The following COTL1 variants were observed in gnomAD, a reference collection of about 807,000 sequenced individuals.
COTL1 encodes the protein coactosin-like protein.
COTL1 carries 15 observed loss-of-function variants against 16.5 expected under a neutral mutation model. The ratio of observed to expected loss-of-function variants is 0.91; its 90% CI spans 0.61 to 1.40. The LOEUF (loss-of-function observed/expected upper bound fraction) is 1.40, where lower values mean the gene tolerates loss of function less well. Among genes scored for constraint, COTL1 ranks in the 40% most tolerant of loss-of-function variants. The pLI, the probability that COTL1 is intolerant of heterozygous loss-of-function variation, is 0.00. For synonymous variants in COTL1, 112 were observed against 85.3 expected, an observed-to-expected ratio of 1.31 and a Z score of -1.73; for missense variants, 220 against 201.5, an observed-to-expected ratio of 1.09 and a Z score of -0.56.
chr16:84,591,302 G>A (rs577654951), intron 2 of COTL1, among the ~76,000 whole-genome samples: 1 of 151,196 alleles, frequency 6.6e-6, no homozygotes, highest in Non-Finnish European at 1.5e-5. Flanking sequence ...TCCTGCCTCA[G>A]CCTCCCGAGT....
At chr16:84,573,946 C>T (rs948514448) in intron 3 of COTL1, among the ~76,000 whole-genome samples, 6 of 152,162 alleles carry the variant, frequency 3.9e-5, no homozygotes, top group East Asian at 1.9e-4. Flanking sequence ...GCTTGAACCC[C>T]GGAGTTCCAA....
chr16:84,600,013 G>A (rs774676132), intron 2 of COTL1, among the ~76,000 whole-genome samples: 2 of 152,170 alleles, frequency 1.3e-5, no homozygotes, highest in Admixed American at 6.5e-5. Context: ...GGCCGCCCAC[G>A]TCTGTAAGAG....
Position 84,581,978 on chromosome 16 carries a change from CTTTTTTTTTTTT to C in COTL1, c.318+8115_318+8126del, listed in dbSNP as rs11332563. 1.1e-4 allele frequency among the ~76,000 whole-genome samples: 7 copies of C among 66,042 alleles called. No individual in the cohort carries two copies. The Admixed American group carries it at 1.5e-3, about 14-fold the overall frequency. 43.3% of individuals were successfully genotyped at this position (66,042 alleles called of 152,430 possible). Reference sequence around the variant, plus strand: ...GCCTACATGAGCAGATACATTTCTTCTTTTTTTTTTTTTTTTTTTTTTTTTGAGATGGAGTCT... The same window carrying C: ...GCCTACATGAGCAGATACATTTCTTCTTTTTTTTTTTTTGAGATGGAGTCT... On this transcript the variant is annotated intron_variant, in intron 3 of 3. Transcript: ENST00000262428.
intron 3 of COTL1, among the ~76,000 whole-genome samples, chr16:84,572,655 T>C (rs538166991): frequency 3.9e-5 from 6 of 152,268 alleles, no homozygotes; most frequent in African/African-American, 1.4e-4. Context: ...AGAGACGTGG[T>C]TTCGTCATGT....
chr16:84,599,275 G>C (rs1905067054), intron 2 of COTL1, among the ~76,000 whole-genome samples: 1 of 152,216 alleles, frequency 6.6e-6, no homozygotes, highest in Non-Finnish European at 1.5e-5. Flanking sequence ...CCTGGCTGGA[G>C]GACCAAACCC....
At chr16:84,586,827 G>C (rs12922658) in intron 3 of COTL1, among the ~76,000 whole-genome samples, 18,156 of 152,032 alleles carry the variant, frequency 0.12, 1,538 homozygotes, top group East Asian at 0.31. Flanking sequence ...CTGACCTCAG[G>C]TGACCGGCTG....
At chr16:84,617,201 G>C (rs749578656) in intron 2 of COTL1, among the ~76,000 whole-genome samples, 2 of 152,124 alleles carry the variant, frequency 1.3e-5, no homozygotes, top group Non-Finnish European at 2.9e-5. Context: ...ACTGGAGTTT[G>C]GAAACACAGG....
At chr16:84,610,619 C>A (rs1257493668) in intron 2 of COTL1, among the ~76,000 whole-genome samples, 1 of 152,168 alleles carries the variant, frequency 6.6e-6, no homozygotes, top group Admixed American at 6.5e-5. Flanking sequence ...GTGGCTTGCT[C>A]TGATTGGACA....
At chr16:84,597,291 G>A (rs1303959715) in intron 2 of COTL1, among the ~76,000 whole-genome samples, 2 of 152,182 alleles carry the variant, frequency 1.3e-5, no homozygotes, top group Admixed American at 6.5e-5. Context: ...CTAAGAATCT[G>A]CACACTGCAG....
rs530554502 is a variant in COTL1 at position 84,616,193 on chromosome 16, G to A, written c.160+1308C>T. The A allele has an allele frequency of 1.0e-3, 152 of 152,386 alleles. 1 individual carries two copies. The highest frequency in any genetic ancestry group is 3.5e-3 in the African/African-American group (147 of 41,528). 9.4% of individuals were successfully genotyped at this position (152,386 alleles called of 1,614,324 possible). ...CAAACCACACAGCCAGGAAGCAGCC[G>A]TTCAGGGATTCGAACCCACACCGTC... is the stretch of plus-strand genomic sequence containing the variant. On this transcript the variant is annotated intron_variant, in intron 2 of 3. Transcript: ENST00000262428.
chr16:84,617,014 G>A (rs1905503801), intron 2 of COTL1, among the ~76,000 whole-genome samples: 1 of 152,158 alleles, frequency 6.6e-6, no homozygotes, highest in African/African-American at 2.4e-5. Context: ...GTACTCTTTT[G>A]CATCTGATTC....
At chr16:84,571,081 C>T (rs929406144) in intron 3 of COTL1, among the ~76,000 whole-genome samples, 2 of 152,052 alleles carry the variant, frequency 1.3e-5, no homozygotes, top group East Asian at 1.9e-4. Context: ...ATTCTCTGTT[C>T]GGAAGAATCC....
rs529236218 is a variant in COTL1 at position 84,603,184 on chromosome 16, T to C, written c.161-12922A>G. 5.3e-5 allele frequency among the ~76,000 whole-genome samples: 8 copies of C among 152,172 alleles called. No individual in the cohort carries two copies. In the East Asian group the frequency reaches 1.5e-3, roughly 29 times the overall value. ...GGGCAGACTCGCAGCCAGTTTTCCTTCCCCGTGGACTTTAACAACACTCCA... is the reference window on the plus strand; with the variant it reads ...GGGCAGACTCGCAGCCAGTTTTCCTCCCCCGTGGACTTTAACAACACTCCA... On this transcript the variant is annotated intron_variant, in intron 2 of 3. Coordinates refer to ENST00000262428, the MANE Select transcript of COTL1 (RefSeq NM_021149.5).
intron 3 of COTL1, among the ~76,000 whole-genome samples, chr16:84,570,559 C>A (rs1904321994): frequency 6.6e-6 from 1 of 151,538 alleles, no homozygotes; most frequent in South Asian, 2.1e-4. Context: ...AAAAATGATT[C>A]CAAGTTATAC....
At chr16:84,592,707 C>T (rs1271034013) in intron 2 of COTL1, among the ~76,000 whole-genome samples, 1 of 152,134 alleles carries the variant, frequency 6.6e-6, no homozygotes, top group African/African-American at 2.4e-5. Context: ...GGACACAAAC[C>T]ACCTGTCTAC....
intron 2 of COTL1, among the ~76,000 whole-genome samples, chr16:84,591,169 AT>A (rs1166142911): frequency 6.8e-6 from 1 of 147,902 alleles, no homozygotes; most frequent in Non-Finnish European, 1.5e-5. Context: ...TCAAAATATC[AT>A]TTGATATTCT....
chr16:84,590,340 G>A lies in COTL1; in HGVS notation c.161-78C>T. On this transcript the variant is annotated intron_variant, in intron 2 of 3. Coordinates refer to ENST00000262428, the MANE Select transcript of COTL1 (RefSeq NM_021149.5). The surrounding 1 kb of genome is among the most constrained non-coding windows in gnomAD (Gnocchi z 5.5). The stretch of plus-strand genomic sequence containing the variant: ...TCATGTCCCTGGGGAGAGGCTGTGA[G>A]CCACGAGTGCGCCTGGAGCAGCACA... 1.0e-5 allele frequency: 16 copies of A among 1,535,886 alleles called. No homozygotes were observed. The South Asian group carries it at 1.6e-4, about 15-fold the overall frequency.
intron 2 of COTL1, chr16:84,595,317 G>C (rs184494041): frequency 6.6e-6 from 1 of 152,330 alleles, no homozygotes; most frequent in East Asian, 1.9e-4. Context: ...TCCGAGTCAC[G>C]TTATGCTTAC....
At chr16:84,572,746 T>C (rs1904360216) in intron 3 of COTL1, among the ~76,000 whole-genome samples, 1 of 150,670 alleles carries the variant, frequency 6.6e-6, no homozygotes, top group South Asian at 2.1e-4. Context: ...TGAATTTTCT[T>C]TCTTTCCTTT....
Sources: gnomAD v4.1 joint callset for allele counts (sites outside exome capture counted in the v4.1 genomes callset) on GRCh38, gnomAD v4.1.1 for gene constraint, Gnocchi (gnomAD v3.1) non-coding constraint, MANE v1.5 for transcripts, NCBI Gene and HGNC (gene_info 2026-07-23, HGNC 2026-07-21) for gene names.